The following SMIM14 variants were observed in gnomAD, a reference collection of about 807,000 sequenced individuals.
The protein encoded by SMIM14 is small integral membrane protein 14.
SMIM14 carries 5 observed loss-of-function variants against 12.6 expected under a neutral mutation model. The observed-to-expected ratio is 0.40, with a 90% confidence interval of 0.21 to 0.83. SMIM14 has a LOEUF of 0.83. SMIM14 is among the 40% of genes least tolerant of loss of function. The pLI is 0.37. For synonymous variants in SMIM14, 30 were observed against 40.1 expected, an observed-to-expected ratio of 0.75 and a Z score of 0.95; for missense variants, 86 against 119.1, an observed-to-expected ratio of 0.72 and a Z score of 1.29.
chr4:39,605,192 G>GA lies in SMIM14; in HGVS notation c.-35-13dup, dbSNP rs771787862. ...TTGACTGTTTAAATCTAGGAGGAAG[G>GA]AAAAAATACTGTTAAGTCTACAATT... On this transcript the variant is annotated splice_polypyrimidine_tract_variant and intron_variant, in intron 1 of 4. Coordinates refer to ENST00000295958, the MANE Select transcript of SMIM14 (RefSeq NM_174921.3). 16 of 1,456,496 alleles carry GA rather than the reference G, an allele frequency of 1.1e-5. No individual in the cohort carries two copies. The highest frequency in any genetic ancestry group is 1.5e-5 in the Non-Finnish European group (16 of 1,071,262). 90.2% of individuals were successfully genotyped at this position (1,456,496 alleles called of 1,614,324 possible). A position where few individuals can be genotyped will look rare whatever the true frequency, so the allele number is the denominator to read the frequency against.
rs1189494469 is a variant in SMIM14 at position 39,576,658 on chromosome 4, GTGTATA to G, written c.76-4201_76-4196del. Among the ~76,000 whole-genome samples, 86 of 40,416 alleles carry G rather than the reference GTGTATA, an allele frequency of 2.1e-3. 7 individuals carry two copies. The highest frequency in any genetic ancestry group is 5.6e-3 in the South Asian group (5 of 900). 26.5% of individuals were successfully genotyped at this position (40,416 alleles called of 152,430 possible). A position where few individuals can be genotyped will look rare whatever the true frequency, so the allele number is the denominator to read the frequency against. ...AACTTATACCTATGTGTGTGTGTAT[GTGTATA>G]TATATATATATATATATATATTTTT... On this transcript the variant is annotated intron_variant, in intron 2 of 4. Coordinates refer to ENST00000295958, the MANE Select transcript of SMIM14 (RefSeq NM_174921.3).
In SMIM14 at chr4:39,610,944, A is replaced by G. The variant is rs542703423; in HGVS notation, c.-35-5764T>C. Among the ~76,000 whole-genome samples, 8 of 152,306 alleles carry G rather than the reference A, an allele frequency of 5.3e-5. No homozygotes were observed. The South Asian group carries it at 1.7e-3, about 32-fold the overall frequency. ...CAAGAAACCATGAAGGAAAGGACCA[A>G]TAATTTTAACAACCAAAACCAATAA... On this transcript the variant is annotated intron_variant, in intron 1 of 4. Coordinates refer to ENST00000295958, the MANE Select transcript of SMIM14 (RefSeq NM_174921.3).
chr4:39,630,206 C>T (rs1271527558), intron 1 of SMIM14, among the ~76,000 whole-genome samples: 1 of 152,008 alleles, frequency 6.6e-6, no homozygotes, highest in South Asian at 2.1e-4. Flanking sequence ...TGAGACCAGC[C>T]TGCCAAGGTG....
chr4:39,586,122 C>G (rs1183003878), intron 2 of SMIM14, among the ~76,000 whole-genome samples: 1 of 152,070 alleles, frequency 6.6e-6, no homozygotes, highest in Admixed American at 6.6e-5. Flanking sequence ...CAAATCTTAT[C>G]AAGTGGTTAG....
chr4:39,576,685 T>TA (rs1491465219), intron 2 of SMIM14, among the ~76,000 whole-genome samples: 261 of 4,428 alleles, frequency 0.059, no homozygotes, highest in East Asian at 0.11. Context: ...TATATATATA[T>TA]TTTTTTTTTT....
intron 2 of SMIM14, among the ~76,000 whole-genome samples, chr4:39,604,146 A>C (rs1714719846): frequency 6.6e-6 from 1 of 152,210 alleles, no homozygotes. Flanking sequence ...CACAGCTAAA[A>C]ACAATTTTAT....
intron 2 of SMIM14, among the ~76,000 whole-genome samples, chr4:39,597,606 G>T (rs1163777892): frequency 1.3e-5 from 2 of 151,866 alleles, no homozygotes; most frequent in Non-Finnish European, 2.9e-5. Context: ...ACCACACCCA[G>T]CTAATTTTTG....
At chr4:39,586,567 T>C (rs1436702085) in intron 2 of SMIM14, among the ~76,000 whole-genome samples, 2 of 152,052 alleles carry the variant, frequency 1.3e-5, no homozygotes, top group African/African-American at 4.8e-5. Flanking sequence ...GCTCTACCAT[T>C]CTCCTCTCTT....
At chr4:39,582,579 G>A (rs1375157997) in intron 2 of SMIM14, among the ~76,000 whole-genome samples, 5 of 151,408 alleles carry the variant, frequency 3.3e-5, no homozygotes, top group South Asian at 2.1e-4. Flanking sequence ...CAGGAGAATC[G>A]CTTGAACCCA....
intron 1 of SMIM14, among the ~76,000 whole-genome samples, chr4:39,633,698 C>T (rs769985492): frequency 9.2e-5 from 14 of 152,170 alleles, no homozygotes; most frequent in Non-Finnish European, 2.1e-4. Context: ...GTTGAGGCTG[C>T]AGTGAGCCAT....
intron 2 of SMIM14, among the ~76,000 whole-genome samples, chr4:39,581,566 A>G (rs1713497355): frequency 7.5e-6 from 1 of 134,060 alleles, no homozygotes; most frequent in Non-Finnish European, 1.5e-5. Flanking sequence ...CCCAGGCTGG[A>G]GTGCAGTGGT....
intron 2 of SMIM14, among the ~76,000 whole-genome samples, chr4:39,604,583 G>C (rs994706811): frequency 6.6e-6 from 1 of 151,620 alleles, no homozygotes; most frequent in Non-Finnish European, 1.5e-5. Context: ...ACGGTAGTCT[G>C]TTTTCATCTC....
At chr4:39,584,481 CA>C (rs554273493) in intron 2 of SMIM14, among the ~76,000 whole-genome samples, 647 of 27,616 alleles carry the variant, frequency 0.023, 9 homozygotes, top group African/African-American at 0.042. Flanking sequence ...GACACTGTCT[CA>C]AAAAAAAAAA....
intron 2 of SMIM14, among the ~76,000 whole-genome samples, chr4:39,591,143 C>T (rs555557482): frequency 2.0e-5 from 3 of 152,062 alleles, no homozygotes; most frequent in African/African-American, 7.2e-5. Flanking sequence ...ACTTATAATA[C>T]TTAATACAAT....
At chr4:39,552,888 A>AAAT (rs1325061279) in intron 4 of SMIM14, among the ~76,000 whole-genome samples, 3 of 152,152 alleles carry the variant, frequency 2.0e-5, no homozygotes, top group African/African-American at 7.2e-5. Flanking sequence ...ATTTACCCTG[A>AAAT]AATGATACAT....
rs1711697752 is a variant in SMIM14 at position 39,551,407 on chromosome 4, T to G, written c.*719A>C. 1.3e-5 allele frequency: 2 copies of G among 152,678 alleles called. No homozygotes were observed. The highest frequency in any genetic ancestry group is 2.9e-5 in the Non-Finnish European group (2 of 68,048). 9.5% of individuals were successfully genotyped at this position (152,678 alleles called of 1,614,324 possible). On this transcript the variant is annotated 3_prime_UTR_variant, in exon 5 of 5. Coordinates refer to ENST00000295958, the MANE Select transcript of SMIM14 (RefSeq NM_174921.3). ...GGCTTACAAATGTCATATAATGGAC[T>G]GTAAATCATCTGCCATATTGATCAA...
chr4:39,582,992 A>G (rs991176589), intron 2 of SMIM14, among the ~76,000 whole-genome samples: 1 of 151,894 alleles, frequency 6.6e-6, no homozygotes, highest in Non-Finnish European at 1.5e-5. Context: ...GGGTTTTGCC[A>G]TGTTGGCCAG....
rs558991467 is a variant in SMIM14, at chr4:39,558,455, A to C, written c.125-1885T>G. 6.6e-6 allele frequency among the ~76,000 whole-genome samples: 1 copy of C among 152,308 alleles called. No homozygotes were observed. The highest frequency in any genetic ancestry group is 1.9e-4 in the East Asian group (1 of 5,184). ...CAGATAAGCAGCCAGTAAAGCAAAC[A>C]AGCCTTTTTGTTCTTTGTACAATCA... On this transcript the variant is annotated intron_variant, in intron 3 of 4. Coordinates refer to ENST00000295958, the MANE Select transcript of SMIM14 (RefSeq NM_174921.3). The surrounding 1 kb of genome is among the most constrained non-coding windows in gnomAD (Gnocchi z 4.3).
intron 1 of SMIM14, among the ~76,000 whole-genome samples, chr4:39,610,492 G>A (rs1714985467): frequency 6.6e-6 from 1 of 151,694 alleles, no homozygotes; most frequent in South Asian, 2.1e-4. Flanking sequence ...TAAAGCACTG[G>A]AAGCCTGAGC....
Sources: gnomAD v4.1 joint callset for allele counts (sites outside exome capture counted in the v4.1 genomes callset) on GRCh38, gnomAD v4.1.1 for gene constraint, Gnocchi (gnomAD v3.1) non-coding constraint, MANE v1.5 for transcripts, NCBI Gene and HGNC (gene_info 2026-07-23, HGNC 2026-07-21) for gene names.